The following TSEN2 variants were observed in gnomAD, a reference collection of about 807,000 sequenced individuals.
The protein encoded by TSEN2 is tRNA splicing endonuclease subunit 2, also known as tRNA-splicing endonuclease subunit Sen2.
TSEN2 carries 54 observed loss-of-function variants against 59.2 expected under a neutral mutation model. The ratio of observed to expected loss-of-function variants is 0.91; its 90% confidence interval spans 0.73 to 1.14. The LOEUF (loss-of-function observed/expected upper bound fraction) is 1.14. Among genes scored for constraint, TSEN2 ranks in the 50% most tolerant of loss-of-function variants. The pLI, the probability that TSEN2 is intolerant of heterozygous loss-of-function variation, is 0.00. For synonymous variants in TSEN2, 195 were observed against 198.2 expected (o/e 0.98, Z 0.14); for missense variants, 636 against 576.2 (o/e 1.10, Z -1.06).
chr3:12,490,792 C>T (rs2053140470), intron 2 of TSEN2, among the ~76,000 whole-genome samples: 1 of 152,138 alleles, frequency 6.6e-6, no homozygotes, highest in African/African-American at 2.4e-5. Flanking sequence ...CACGGAATGG[C>T]GTCTTGTCTC....
chr3:12,505,613 AC>A (rs1276112682), intron 6 of TSEN2: 1 of 213,520 alleles, frequency 4.7e-6, no homozygotes, highest in East Asian at 1.1e-4. Context: ...ACATGGTAAA[AC>A]CCTGTCTCTA....
At chr3:12,538,101 C>T (rs1482567685), downstream of TSEN2, among the ~76,000 whole-genome samples, 1 of 152,162 alleles carries the variant, frequency 6.6e-6, no homozygotes, top group Non-Finnish European at 1.5e-5. Flanking sequence ...CTTGTAAATG[C>T]AAATGTCGCT....
intron 4 of TSEN2, among the ~76,000 whole-genome samples, chr3:12,502,120 C>T (rs1559300799): frequency 6.6e-6 from 1 of 152,162 alleles, no homozygotes; most frequent in African/African-American, 2.4e-5. Context: ...TCTCCTTATC[C>T]TGTGAAAGGG....
Position 12,496,546 on chromosome 3 carries a change from A to G in TSEN2, c.300A>G (p.Thr100=), listed in dbSNP as rs2053765102. The G allele has an allele frequency of 1.2e-6, 2 of 1,614,044 alleles. No homozygotes were observed. Among genetic ancestry groups the G allele is most frequent in the Non-Finnish European group, 1.7e-6 (2 of 1,180,040 alleles). Residue 100 remains threonine (T), a synonymous_variant, in exon 4 of 12, where the codon ACA becomes ACG. Coordinates refer to ENST00000284995, the MANE Select transcript of TSEN2 (RefSeq NM_025265.4). Reference sequence around the variant, plus strand: ...TGAAGACAAACATGCCTATCATCACATCAAAGAGGTAAGTCATAATGAACT... The same window carrying G: ...TGAAGACAAACATGCCTATCATCACGTCAAAGAGGTAAGTCATAATGAACT... The part of the protein sequence containing the change: ...KDMKTNMPII[T]SKRYQHSVEW...
upstream of TSEN2, among the ~76,000 whole-genome samples, chr3:12,483,137 A>G (rs929257367): frequency 3.9e-5 from 6 of 152,214 alleles, no homozygotes; most frequent in Non-Finnish European, 8.8e-5. Flanking sequence ...GCACTTTGGG[A>G]GGCCGAGGCG....
intron 8 of TSEN2, among the ~76,000 whole-genome samples, chr3:12,524,694 T>C (rs2056936221): frequency 6.6e-6 from 1 of 151,824 alleles, no homozygotes; most frequent in African/African-American, 2.4e-5. Flanking sequence ...CATGAACATA[T>C]CTTTCTGGGA....
intron 1 of TSEN2, among the ~76,000 whole-genome samples, chr3:12,487,837 A>G (rs1485216396): frequency 1.3e-5 from 2 of 152,260 alleles, no homozygotes; most frequent in Non-Finnish European, 2.9e-5. Context: ...AACACTATAC[A>G]GCAAGATGCA....
At chr3:12,529,707 T>C in intron 9 of TSEN2, 55 bp from the exon 10 acceptor site, 2 of 1,521,708 alleles carry the variant, frequency 1.3e-6, no homozygotes, top group Non-Finnish European at 1.8e-6. Flanking sequence ...AAATATTCTT[T>C]TTAAACAGAT....
chr3:12,505,920 G>A (rs534634020), intron 6 of TSEN2, among the ~76,000 whole-genome samples: 4 of 151,858 alleles, frequency 2.6e-5, no homozygotes, highest in African/African-American at 9.7e-5. Flanking sequence ...AGCCACGATT[G>A]CACTACTGCG....
At chr3:12,498,117 A>T (rs1264878503) in intron 4 of TSEN2, among the ~76,000 whole-genome samples, 10 of 149,438 alleles carry the variant, frequency 6.7e-5, no homozygotes, top group Non-Finnish European at 1.0e-4. Context: ...AGATGTATGT[A>T]TTTTCGGGGT....
chr3:12,529,772 A>G lies in TSEN2; in HGVS notation c.1147A>G (p.Ile383Val). The G allele has an allele frequency of 6.2e-7, 1 of 1,613,966 alleles. No homozygotes were observed. Among genetic ancestry groups the G allele is most frequent in the Non-Finnish European group, 8.5e-7 (1 of 1,179,912 alleles). ...TTCTGTATTTTCCAGTTATTCTGTC[A>G]TTATCGAGCTAGTTGATGACCATTT... is the stretch of plus-strand genomic sequence containing the variant. ...PPFYHASYSVIIELVDDHFEG... is the reference protein window; with the variant it reads ...PPFYHASYSVVIELVDDHFEG... The change falls in exon 10 of 12, where the codon ATT (isoleucine) becomes GTT (valine). Residue 383 changes from isoleucine to valine, a missense_variant. Transcript: ENST00000284995.
At chr3:12,534,157 C>G (rs758327269), downstream of TSEN2, among the ~76,000 whole-genome samples, 6 of 152,142 alleles carry the variant, frequency 3.9e-5, no homozygotes, top group Non-Finnish European at 8.8e-5. Context: ...CCCACCACAT[C>G]GGGCAGGGCC....
At chr3:12,506,364 G>A (rs2054834677) in intron 6 of TSEN2, among the ~76,000 whole-genome samples, 1 of 152,072 alleles carries the variant, frequency 6.6e-6, no homozygotes, top group Non-Finnish European at 1.5e-5. Flanking sequence ...GGAGGCCAAG[G>A]CAGGCAGATA....
chr3:12,538,506 G>T (rs1399475579), downstream of TSEN2, among the ~76,000 whole-genome samples: 3 of 152,098 alleles, frequency 2.0e-5, no homozygotes, highest in Non-Finnish European at 4.4e-5. Flanking sequence ...TTGGAACTGG[G>T]TGTTGGATCC....
At chr3:12,490,050 C>T (rs1575218959) in intron 2 of TSEN2, 61 bp downstream of exon 2, 1 of 1,501,884 alleles carries the variant, frequency 6.7e-7, no homozygotes, top group South Asian at 1.1e-5. Flanking sequence ...CAGTCCTTTC[C>T]TTCTCCCCAT....
intron 3 of TSEN2, among the ~76,000 whole-genome samples, chr3:12,494,126 A>G (rs1171928147): frequency 6.6e-6 from 1 of 152,252 alleles, no homozygotes; most frequent in African/African-American, 2.4e-5. Context: ...ATACGCTGAC[A>G]AAAATATGAA....
chr3:12,518,598 A>G (rs1452541148), intron 7 of TSEN2, among the ~76,000 whole-genome samples: 1 of 152,224 alleles, frequency 6.6e-6, no homozygotes, highest in East Asian at 1.9e-4. Flanking sequence ...TTTTCTGGTA[A>G]CCACATTAAA....
At position 12,528,874 on chromosome 3, in the gene TSEN2, T is replaced by A; in HGVS notation, c.1100-14T>A. On this transcript the variant is annotated splice_polypyrimidine_tract_variant and intron_variant, in intron 8 of 11. Coordinates refer to ENST00000284995, the MANE Select transcript of TSEN2 (RefSeq NM_025265.4). The stretch of plus-strand genomic sequence containing the variant: ...TGAGTGGTTATACTTCTTTTTTTTC[T>A]TTCTTCTTTGCAGTGCTATATCGGA... The A allele has an allele frequency of 2.5e-6, 4 of 1,613,990 alleles. No homozygotes were observed. The highest frequency in any genetic ancestry group is 3.4e-6 in the Non-Finnish European group (4 of 1,179,958).
At chr3:12,529,638 G>A (rs2057333691) in intron 9 of TSEN2, 124 bp from the exon 10 acceptor site, 1 of 844,090 alleles carries the variant, frequency 1.2e-6, no homozygotes, top group East Asian at 2.7e-5. Flanking sequence ...AGCAATTTAG[G>A]GGAATTTAGA....
Sources: allele counts gnomAD v4.1 joint callset (sites outside exome capture counted in the v4.1 genomes callset), GRCh38; gene constraint gnomAD v4.1.1; transcripts MANE v1.5; gene names NCBI Gene and HGNC (gene_info 2026-07-23, HGNC 2026-07-21).